Variants in ITGA6 observed in about 807,000 individuals in gnomAD.
The protein encoded by ITGA6 is integrin subunit alpha 6, also known as integrin alpha-6.
ITGA6 carries 63 observed loss-of-function variants against 133.6 expected under a neutral mutation model. The ratio of observed to expected loss-of-function variants is 0.47; its 90% CI spans 0.38 to 0.58. ITGA6 has a LOEUF of 0.58. ITGA6 is among the 20% of genes least tolerant of loss of function. The probability of loss-of-function intolerance (pLI) is 0.00; values close to 1 mark genes in which losing one functional copy is unlikely to be tolerated. For missense variants in ITGA6, 1,068 were observed against 1,309.4 expected (o/e 0.82, Z 2.85); for synonymous variants, 434 against 482.0 (o/e 0.90, Z 1.30).
chr2:172,469,453 G>GTA, intron 4 of ITGA6, 73 bp downstream of exon 4: 6 of 775,190 alleles, frequency 7.7e-6, no homozygotes, highest in Non-Finnish European at 8.4e-6. Context: ...TACATTTTGA[G>GTA]CTAAAATGTG....
chr2:172,477,085 TG>T (rs1559141701), intron 9 of ITGA6, among the ~76,000 whole-genome samples: 2 of 151,302 alleles, frequency 1.3e-5, no homozygotes, highest in South Asian at 4.2e-4. Flanking sequence ...TCTCACTGGA[TG>T]GTTACGTTGC....
At chr2:172,447,882 G>A (rs978300005) in intron 1 of ITGA6, among the ~76,000 whole-genome samples, 2 of 152,124 alleles carry the variant, frequency 1.3e-5, no homozygotes, top group African/African-American at 2.4e-5. Context: ...TGAGCTGAAG[G>A]AGTTGAAAGT....
intron 13 of ITGA6, 38 bp downstream of exon 13, chr2:172,485,302 T>C (rs1468133414): frequency 6.3e-7 from 1 of 1,589,690 alleles, no homozygotes; most frequent in South Asian, 1.1e-5. Context: ...AAAGTTTTTT[T>C]GCCATTTATG....
intron 10 of ITGA6, 82 bp downstream of exon 10, chr2:172,479,821 C>CAGGGAAGATGACAGGAGTGCTGGGCAA: frequency 2.2e-6 from 3 of 1,339,338 alleles, no homozygotes; most frequent in Non-Finnish European, 3.2e-6. Flanking sequence ...TGAGGAGCCA[C>CAGGGAAGATGACAGGAGTGCTGGGCAA]AGGGAAGATG....
At chr2:172,433,436 G>A (rs888014962) in intron 1 of ITGA6, among the ~76,000 whole-genome samples, 1 of 152,180 alleles carries the variant, frequency 6.6e-6, no homozygotes, top group Non-Finnish European at 1.5e-5. Context: ...GAGCCAGGTA[G>A]GATCAAACCC....
At chr2:172,466,831 C>T (rs747509221) in intron 2 of ITGA6, among the ~76,000 whole-genome samples, 1 of 152,070 alleles carries the variant, frequency 6.6e-6, no homozygotes, top group Non-Finnish European at 1.5e-5. Context: ...GTCTGTATTG[C>T]TACTTATGGA....
At chr2:172,501,564 A>G (rs938162597) in intron 24 of ITGA6, among the ~76,000 whole-genome samples, 3 of 152,360 alleles carry the variant, frequency 2.0e-5, no homozygotes, top group Non-Finnish European at 4.4e-5. Flanking sequence ...AGTGTCATCC[A>G]TATAAATATT....
chr2:172,462,637 C>G (rs144165440), intron 1 of ITGA6, among the ~76,000 whole-genome samples: 52 of 152,266 alleles, frequency 3.4e-4, no homozygotes, highest in African/African-American at 1.0e-3. Flanking sequence ...ATTCTTTGTC[C>G]CACACGTATT....
At position 172,504,099 on chromosome 2, in the gene ITGA6, C is replaced by A. The variant is rs1336971867; in HGVS notation, c.*31C>A. On this transcript the variant is annotated 3_prime_UTR_variant, in exon 26 of 26. Coordinates refer to ENST00000684293, the MANE Select transcript of ITGA6 (RefSeq NM_000210.4). ...CTTTCCCTCTTCTCTAGTGTGGATTCTTTAAACGCTCTAGGTACGATGACA... is the reference window on the plus strand; with the variant it reads ...CTTTCCCTCTTCTCTAGTGTGGATTATTTAAACGCTCTAGGTACGATGACA... 4 of 1,585,636 alleles carry A rather than the reference C, an allele frequency of 2.5e-6. No individual in the cohort carries two copies. The highest frequency in any genetic ancestry group is 2.6e-6 in the Non-Finnish European group (3 of 1,166,520).
At chr2:172,463,383 C>G (rs1455816289) in intron 1 of ITGA6, among the ~76,000 whole-genome samples, 3 of 152,168 alleles carry the variant, frequency 2.0e-5, no homozygotes, top group African/African-American at 7.2e-5. Context: ...TCTTACCCAG[C>G]CTTCACTCCA....
intron 23 of ITGA6, among the ~76,000 whole-genome samples, chr2:172,494,095 C>A (rs1687031030): frequency 1.3e-5 from 2 of 152,146 alleles, no homozygotes; most frequent in Admixed American, 1.3e-4. Flanking sequence ...TACAATAGCT[C>A]AGATGTCATA....
intron 24 of ITGA6, among the ~76,000 whole-genome samples, chr2:172,499,078 A>G (rs1687245173): frequency 1.3e-5 from 2 of 152,212 alleles, no homozygotes; most frequent in Non-Finnish European, 2.9e-5. Flanking sequence ...GGATCAGACT[A>G]TCCTTTTCTT....
At chr2:172,442,527 T>C (rs1414690962) in intron 1 of ITGA6, among the ~76,000 whole-genome samples, 1 of 152,172 alleles carries the variant, frequency 6.6e-6, no homozygotes, top group Non-Finnish European at 1.5e-5. Context: ...TAGGGAAGGT[T>C]AGAGTTCCTG....
In ITGA6 at chr2:172,452,697, G is replaced by A. The variant is rs993026826; in HGVS notation, c.183-12842G>A. 3.3e-4 allele frequency among the ~76,000 whole-genome samples: 51 copies of A among 152,268 alleles called. 1 individual carries two copies. Among genetic ancestry groups the A allele is most frequent in the African/African-American group, 9.9e-4 (41 of 41,554 alleles). ...AAATTAGAAACAAAGTTCAAGCTTC[G>A]TCTGCCAAGTTGAAGTTTCCTAAGT... On this transcript the variant is annotated intron_variant, in intron 1 of 25. Transcript: ENST00000684293.
intron 11 of ITGA6, among the ~76,000 whole-genome samples, chr2:172,484,344 C>G (rs1005657505): frequency 2.0e-4 from 30 of 151,014 alleles, no homozygotes; most frequent in African/African-American, 7.1e-4. Context: ...TGCTGCTGTT[C>G]TAGAGATCTT....
At chr2:172,453,246 G>C (rs919362272) in intron 1 of ITGA6, among the ~76,000 whole-genome samples, 11 of 151,942 alleles carry the variant, frequency 7.2e-5, no homozygotes, top group Non-Finnish European at 1.5e-5. Context: ...ACAGTACAGG[G>C]CTGGGCGCAG....
intron 25 of ITGA6, among the ~76,000 whole-genome samples, chr2:172,502,808 A>G (rs1687399839): frequency 6.6e-6 from 1 of 152,234 alleles, no homozygotes; most frequent in Non-Finnish European, 1.5e-5. Context: ...TGGGCATGAG[A>G]GGACAGAATT....
intron 13 of ITGA6, among the ~76,000 whole-genome samples, chr2:172,486,187 A>AAC (rs1559148159): frequency 6.6e-6 from 1 of 151,092 alleles, no homozygotes; most frequent in Non-Finnish European, 1.5e-5. Flanking sequence ...AAAAAAAAAA[A>AAC]AAAAAAAAAA....
In ITGA6 at chr2:172,460,586, A is replaced by G. The variant is rs76371252; in HGVS notation, c.183-4953A>G. On this transcript the variant is annotated intron_variant, in intron 1 of 25. Transcript: ENST00000684293. ...ATGGAGAAGTAAATCCAGAATGAAA[A>G]GTAAGAGGTTTGTCCGGAGTGTGGG... is the stretch of plus-strand genomic sequence containing the variant. Among the ~76,000 whole-genome samples, 1,123 of 152,318 alleles carry G rather than the reference A, an allele frequency of 7.4e-3. 8 individuals are homozygous for G. Among genetic ancestry groups the G allele is most frequent in the Non-Finnish European group, 0.011 (726 of 68,020 alleles).
Sources: allele counts gnomAD v4.1 joint callset (sites outside exome capture counted in the v4.1 genomes callset), GRCh38; gene constraint gnomAD v4.1.1; transcripts MANE v1.5; gene names NCBI Gene and HGNC (gene_info 2026-07-23, HGNC 2026-07-21).